Variants in SLC24A2 observed in about 807,000 individuals in gnomAD.
SLC24A2 encodes sodium/potassium/calcium exchanger 2.
In SLC24A2, 36 loss-of-function variants were observed where a neutral mutation model predicts 62.0. The ratio of observed to expected loss-of-function variants is 0.58; its 90% CI spans 0.44 to 0.77. SLC24A2 has a LOEUF of 0.77. SLC24A2 is among the 30% of genes least tolerant of loss of function. The pLI is 0.00. For missense variants in SLC24A2, 846 were observed against 817.9 expected (o/e 1.03, Z -0.42); for synonymous variants, 358 against 294.0 (o/e 1.22, Z -2.23).
chr9:19,533,952 A>T (rs1833829755), intron 8 of SLC24A2, among the ~76,000 whole-genome samples: 1 of 152,236 alleles, frequency 6.6e-6, no homozygotes. Flanking sequence ...ATGCTTTGTG[A>T]ATAAACTGGG....
chr9:19,822,296 T>C, the SLC24A2 span, among the ~76,000 whole-genome samples: 9 of 152,280 alleles, frequency 5.9e-5, no homozygotes, highest in Admixed American at 3.3e-4. Context: ...ATTTTAAACT[T>C]GTAGACCCTT....
chr9:20,173,134 C>G, the SLC24A2 span, among the ~76,000 whole-genome samples: 833 of 152,046 alleles, frequency 5.5e-3, 13 homozygotes, highest in African/African-American at 0.019. Flanking sequence ...ATCCAGCAAC[C>G]CTTTATGATT....
chr9:20,174,311 C>T, the SLC24A2 span, among the ~76,000 whole-genome samples: 7 of 151,766 alleles, frequency 4.6e-5, no homozygotes, highest in Non-Finnish European at 1.0e-4. Context: ...TGACCAAGAA[C>T]CGAAAAGCAA....
chr9:19,811,615 CTT>C, the SLC24A2 span, among the ~76,000 whole-genome samples: 1 of 152,002 alleles, frequency 6.6e-6, no homozygotes, highest in Non-Finnish European at 1.5e-5. Flanking sequence ...CCTCTATTAA[CTT>C]TTATTTTTAC....
the SLC24A2 span, among the ~76,000 whole-genome samples, chr9:20,065,607 T>A: frequency 6.6e-6 from 1 of 152,190 alleles, no homozygotes; most frequent in Non-Finnish European, 1.5e-5. Flanking sequence ...TACAAGAAAC[T>A]GGGGTTCAAA....
chr9:19,915,131 G>C, the SLC24A2 span, among the ~76,000 whole-genome samples: 24 of 152,084 alleles, frequency 1.6e-4, no homozygotes, highest in East Asian at 4.2e-3. Flanking sequence ...AACTACTTTT[G>C]TCACTATGAA....
the SLC24A2 span, among the ~76,000 whole-genome samples, chr9:20,208,944 C>T: frequency 6.6e-6 from 1 of 152,202 alleles, no homozygotes; most frequent in South Asian, 2.1e-4. Context: ...AGTTGAGTAA[C>T]TAAGGTGCAG....
intron 4 of SLC24A2, among the ~76,000 whole-genome samples, chr9:19,598,096 T>A (rs960241013): frequency 6.6e-6 from 1 of 151,922 alleles, no homozygotes; most frequent in Non-Finnish European, 1.5e-5. Flanking sequence ...AGAGAAGGAG[T>A]GGGATACACC....
the SLC24A2 span, among the ~76,000 whole-genome samples, chr9:20,122,152 C>G: frequency 5.0e-4 from 76 of 152,304 alleles, 1 homozygote; most frequent in African/African-American, 1.8e-3. Context: ...TCACAAGTTA[C>G]AAGAATTTCA....
chr9:19,933,930 G>A, the SLC24A2 span, among the ~76,000 whole-genome samples: 35 of 152,106 alleles, frequency 2.3e-4, no homozygotes, highest in African/African-American at 8.2e-4. Context: ...ATCCATAGAG[G>A]CAGAAAGTAG....
At chr9:19,541,826 G>C (rs1001363574) in intron 8 of SLC24A2, among the ~76,000 whole-genome samples, 9 of 150,486 alleles carry the variant, frequency 6.0e-5, no homozygotes, top group Non-Finnish European at 1.2e-4. Flanking sequence ...CTTGCAGTTT[G>C]ATCTCAGACT....
intron 2 of SLC24A2, among the ~76,000 whole-genome samples, chr9:19,704,927 A>G (rs1820466742): frequency 1.3e-5 from 2 of 151,566 alleles, no homozygotes; most frequent in Non-Finnish European, 2.9e-5. Flanking sequence ...TTCTAGTGGT[A>G]TTACTCTGAG....
chr9:19,577,512 A>C (rs1040915024), intron 5 of SLC24A2, among the ~76,000 whole-genome samples: 5 of 152,174 alleles, frequency 3.3e-5, no homozygotes, highest in African/African-American at 4.8e-5. Flanking sequence ...TTCTGGTCCC[A>C]AGCGTTTCAG....
At chr9:20,007,308 G>T in the SLC24A2 span, among the ~76,000 whole-genome samples, 1 of 152,246 alleles carries the variant, frequency 6.6e-6, no homozygotes, top group East Asian at 1.9e-4. Flanking sequence ...GTGGCTGCTG[G>T]TAATGCTGGG....
the SLC24A2 span, among the ~76,000 whole-genome samples, chr9:19,963,105 C>G: frequency 2.6e-5 from 4 of 151,538 alleles, no homozygotes; most frequent in Admixed American, 6.6e-5. Context: ...CTGACAAAAA[C>G]AAGAAATGGG....
At position 19,786,888 on chromosome 9, in the gene SLC24A2, G is replaced by A. The variant is rs1267323557; in HGVS notation, c.-22C>T. ...CCATCCTGGGTCTTCTGGTGGATAT[G>A]GTGATCTTCCAACTTTAGACTCAAC... On this transcript the variant is annotated 5_prime_UTR_variant, in exon 2 of 11. Coordinates refer to ENST00000341998, the MANE Select transcript of SLC24A2 (RefSeq NM_020344.4). The surrounding 1 kb of genome is among the most constrained non-coding windows in gnomAD (Gnocchi z 5.0). 6.2e-7 allele frequency: 1 copy of A among 1,603,612 alleles called. No homozygotes were observed. The highest frequency in any genetic ancestry group is 8.5e-7 in the Non-Finnish European group (1 of 1,179,696).
chr9:19,516,168 G>T lies in SLC24A2; in HGVS notation c.1971C>A (p.Cys657Ter). ...SVLLEDRILTCPVSI is the reference protein window; with the variant it reads ...SVLLEDRILT ...GCTTTTCCTGCTAGATGGAGACGGGGCATGTAAGAATTCTGTCTTCTAGGA... is the reference window on the plus strand; with the variant it reads ...GCTTTTCCTGCTAGATGGAGACGGGTCATGTAAGAATTCTGTCTTCTAGGA... Residue 657 changes from cysteine to a stop codon, truncating the protein, a stop_gained, in exon 11 of 11, where the codon TGC (cysteine) becomes TGA (stop). Transcript: ENST00000341998. LOFTEE classifies it high-confidence loss of function. 1.2e-6 allele frequency: 2 copies of T among 1,614,132 alleles called. No individual in the cohort carries two copies. Among genetic ancestry groups the T allele is most frequent in the Non-Finnish European group, 1.7e-6 (2 of 1,180,000 alleles).
the SLC24A2 span, among the ~76,000 whole-genome samples, chr9:20,231,005 G>A: frequency 6.6e-6 from 1 of 152,072 alleles, no homozygotes; most frequent in Non-Finnish European, 1.5e-5. Flanking sequence ...TTTCCCCATT[G>A]CTTGTTTTTG....
the SLC24A2 span, among the ~76,000 whole-genome samples, chr9:19,951,873 C>T: frequency 2.0e-5 from 3 of 152,008 alleles, no homozygotes. Flanking sequence ...CTCTTACAAC[C>T]TCACAAGGAT....
Sources: gnomAD v4.1 joint callset for allele counts (sites outside exome capture counted in the v4.1 genomes callset) on GRCh38, gnomAD v4.1.1 for gene constraint, Gnocchi (gnomAD v3.1) non-coding constraint, MANE v1.5 for transcripts, NCBI Gene and HGNC (gene_info 2026-07-23, HGNC 2026-07-21) for gene names.